ARHGAP6: variants seen among roughly 807,000 people sequenced by gnomAD.
ARHGAP6 encodes Rho GTPase activating protein 6, also known as rho GTPase-activating protein 6.
ARHGAP6 carries 16 observed loss-of-function variants against 55.7 expected under a neutral mutation model. That is an observed-to-expected ratio of 0.29 (90% CI 0.19 to 0.44). The LOEUF is 0.44. ARHGAP6 is among the 20% of genes least tolerant of loss of function. The pLI is 1.00. For missense variants in ARHGAP6, 698 were observed against 808.9 expected (o/e 0.86, Z 1.66); for synonymous variants, 382 against 360.9 (o/e 1.06, Z -0.66).
intron 2 of ARHGAP6, among the ~76,000 whole-genome samples, chrX:11,234,058 CT>C (rs1261416029): frequency 1.8e-5 from 2 of 112,302 alleles, no homozygotes. Flanking sequence ...GTCGTATTTC[CT>C]TTTCAGGGTG....
chrX:11,333,629 G>A (rs2048589787), intron 1 of ARHGAP6, among the ~76,000 whole-genome samples: 1 of 112,430 alleles, frequency 8.9e-6, no homozygotes, highest in Non-Finnish European at 1.9e-5. Context: ...AGAATAGCAT[G>A]AAAAAGGAGA....
At chrX:11,161,910 T>C (rs1425691128) in intron 9 of ARHGAP6, among the ~76,000 whole-genome samples, 1 of 111,818 alleles carries the variant, frequency 8.9e-6, no homozygotes, top group Non-Finnish European at 1.9e-5. Context: ...GCCCTTCAAC[T>C]GCAATGGTCT....
intron 1 of ARHGAP6, among the ~76,000 whole-genome samples, chrX:11,478,230 G>T (rs2050423260): frequency 9.0e-6 from 1 of 111,629 alleles, no homozygotes; most frequent in South Asian, 3.7e-4. Context: ...CCACAAAAAG[G>T]CTTGTAAAAG....
chrX:11,636,400 G>A (rs1019020300), intron 1 of ARHGAP6, among the ~76,000 whole-genome samples: 4 of 111,370 alleles, frequency 3.6e-5, no homozygotes, highest in Admixed American at 9.5e-5. Context: ...TACTGTCAGC[G>A]CAGACTAATA....
intron 8 of ARHGAP6, among the ~76,000 whole-genome samples, chrX:11,170,601 A>G (rs2046076557): frequency 8.9e-6 from 1 of 111,895 alleles, no homozygotes; most frequent in Non-Finnish European, 1.9e-5. Flanking sequence ...AAGTAGGACT[A>G]CCTGGGACAT....
At chrX:11,465,739 C>G (rs2050286134) in intron 1 of ARHGAP6, among the ~76,000 whole-genome samples, 1 of 111,930 alleles carries the variant, frequency 8.9e-6, no homozygotes, top group Admixed American at 9.5e-5. Flanking sequence ...TTAAATTTCA[C>G]TTCATTGCAA....
At chrX:11,641,852 G>A (rs780114529) in intron 1 of ARHGAP6, among the ~76,000 whole-genome samples, 5 of 111,465 alleles carry the variant, frequency 4.5e-5, no homozygotes, top group Admixed American at 9.5e-5. Flanking sequence ...GCGTGTCCAC[G>A]TTGTTTCTGC....
At chrX:11,228,149 T>A (rs2047081602) in intron 2 of ARHGAP6, among the ~76,000 whole-genome samples, 1 of 111,843 alleles carries the variant, frequency 8.9e-6, no homozygotes, top group Non-Finnish European at 1.9e-5. Flanking sequence ...TTATGTGGAC[T>A]ATTAGTGATA....
intron 1 of ARHGAP6, among the ~76,000 whole-genome samples, chrX:11,527,027 T>A (rs1310969487): frequency 2.8e-5 from 3 of 105,939 alleles, no homozygotes; most frequent in Non-Finnish European, 5.8e-5. Flanking sequence ...TGTGTGTGTG[T>A]GTGTGTGTGT....
At chrX:11,518,182 C>CTTGA (rs1445292406) in intron 1 of ARHGAP6, among the ~76,000 whole-genome samples, 1 of 110,308 alleles carries the variant, frequency 9.1e-6, no homozygotes, top group East Asian at 2.8e-4. Context: ...GGTCTATCAC[C>CTTGA]CAGGCTGGAG....
chrX:11,247,150 T>C (rs1209935803), intron 2 of ARHGAP6, among the ~76,000 whole-genome samples: 1 of 111,808 alleles, frequency 8.9e-6, no homozygotes, highest in Non-Finnish European at 1.9e-5. Context: ...AGCCATATAA[T>C]TGAGCAATTT....
chrX:11,264,337 A>T (rs762152863), intron 1 of ARHGAP6, among the ~76,000 whole-genome samples: 55 of 112,127 alleles, frequency 4.9e-4, no homozygotes, highest in Middle Eastern at 4.6e-3. Flanking sequence ...CGATAAACTA[A>T]AGAAGTAGAA....
chrX:11,567,805 G>T lies in ARHGAP6; in HGVS notation c.588+96436C>A, dbSNP rs780569020. On this transcript the variant is annotated intron_variant, in intron 1 of 12. Transcript: ENST00000337414. ...ATTCTCAGCCTCCTGAGTAGCTGGG[G>T]CTACAGGCATGTACCACCACATCCA... Among the ~76,000 whole-genome samples, 4 of 109,745 alleles carry T rather than the reference G, an allele frequency of 3.6e-5. No homozygotes were observed. In the East Asian group the frequency reaches 1.1e-3, roughly 31 times the overall value.
intron 1 of ARHGAP6, among the ~76,000 whole-genome samples, chrX:11,442,546 A>G (rs1241381618): frequency 8.9e-6 from 1 of 111,889 alleles, no homozygotes; most frequent in African/African-American, 3.3e-5. Context: ...TTAAGACTAA[A>G]CAGAAACGGG....
intron 1 of ARHGAP6, among the ~76,000 whole-genome samples, chrX:11,591,374 TTAATTATTTAATTAAA>T (rs1295927997): frequency 4.0e-4 from 43 of 108,387 alleles, no homozygotes; most frequent in African/African-American, 1.4e-3. Flanking sequence ...TTTATTAATT[TTAATTATTTAATTAAA>T]TAATTATTTA....
Position 11,665,000 on chromosome X carries a change from T to C in ARHGAP6, c.-172A>G. 2 of 423,456 alleles carry C rather than the reference T, an allele frequency of 4.7e-6. No homozygotes were observed. The highest frequency in any genetic ancestry group is 7.7e-6 in the Non-Finnish European group (2 of 258,447). The allele number at this position is 423,456 out of a possible 1,213,427, so 34.9% of individuals were successfully genotyped here. On this transcript the variant is annotated 5_prime_UTR_variant, in exon 1 of 13. Transcript: ENST00000337414. Reference sequence around the variant, plus strand: ...TCACGCGCCGCCGGTGCGCTCCAAGTGCCCCGGCGGCGGCAGGAGCAGCAG... The same window carrying C: ...TCACGCGCCGCCGGTGCGCTCCAAGCGCCCCGGCGGCGGCAGGAGCAGCAG...
intron 1 of ARHGAP6, among the ~76,000 whole-genome samples, chrX:11,653,628 T>G (rs1342131245): frequency 8.9e-6 from 1 of 112,487 alleles, no homozygotes; most frequent in Admixed American, 9.4e-5. Flanking sequence ...CTGGGCACTT[T>G]CCAGGTAATT....
intron 8 of ARHGAP6, among the ~76,000 whole-genome samples, chrX:11,174,628 TTTCTTTCTTTC>T (rs1346946702): frequency 8.4e-4 from 9 of 10,736 alleles, no homozygotes; most frequent in Admixed American, 1.2e-3. Context: ...CTTTCTTTTC[TTTCTTTCTTTC>T]TTTCTTTCTT....
chrX:11,581,910 C>T (rs1251030909), intron 1 of ARHGAP6, among the ~76,000 whole-genome samples: 1 of 111,208 alleles, frequency 9.0e-6, no homozygotes, highest in Non-Finnish European at 1.9e-5. Flanking sequence ...AATAAATGAA[C>T]CCCACTCTCC....
Sources: gnomAD v4.1 joint callset for allele counts (sites outside exome capture counted in the v4.1 genomes callset) on GRCh38, gnomAD v4.1.1 for gene constraint, MANE v1.5 for transcripts, NCBI Gene and HGNC (gene_info 2026-07-23, HGNC 2026-07-21) for gene names.